MIGA1: variants seen among roughly 807,000 people sequenced by gnomAD.
MIGA1 encodes mitoguardin 1.
MIGA1 carries 58 observed loss-of-function variants against 82.0 expected under a neutral mutation model. The observed-to-expected ratio is 0.71, with a 90% CI of 0.57 to 0.88. The LOEUF (loss-of-function observed/expected upper bound fraction) is 0.88. MIGA1 is among the 40% of genes least tolerant of loss of function. The pLI, the probability that MIGA1 is intolerant of heterozygous loss-of-function variation, is 0.00. For missense variants in MIGA1, 751 were observed against 749.1 expected (o/e 1.00, Z -0.03); for synonymous variants, 249 against 253.6 (o/e 0.98, Z 0.17).
chr1:77,817,116 G>T (rs1683598498), intron 7 of MIGA1, among the ~76,000 whole-genome samples: 1 of 152,124 alleles, frequency 6.6e-6, no homozygotes, highest in Non-Finnish European at 1.5e-5. Context: ...ATTTGGTTCT[G>T]TTTGGCATGC....
intron 1 of MIGA1, 108 bp from the exon 2 acceptor site, chr1:77,783,130 T>C: frequency 3.0e-6 from 2 of 673,534 alleles, no homozygotes; most frequent in Non-Finnish European, 2.4e-6. Flanking sequence ...CATCAATAAT[T>C]GACTGCAAAA....
chr1:77,845,343 T>C (rs1021512757), intron 8 of MIGA1, among the ~76,000 whole-genome samples: 8 of 152,194 alleles, frequency 5.3e-5, no homozygotes, highest in Admixed American at 3.9e-4. Flanking sequence ...CTAGGTCGTT[T>C]GTAAGGAGAA....
intron 6 of MIGA1, 48 bp downstream of exon 6, chr1:77,813,915 AC>A (rs747339439): frequency 2.0e-5 from 32 of 1,597,814 alleles, no homozygotes; most frequent in Non-Finnish European, 2.6e-5. Flanking sequence ...GAAGAATCAA[AC>A]TTTTTTTTTG....
intron 1 of MIGA1, chr1:77,780,029 C>A: frequency 8.6e-7 from 1 of 1,169,174 alleles, no homozygotes; most frequent in Non-Finnish European, 1.1e-6. Flanking sequence ...GCAAAGGAAG[C>A]GCGGAATTGG....
At chr1:77,834,987 A>G (rs1684375068) in intron 7 of MIGA1, among the ~76,000 whole-genome samples, 1 of 152,228 alleles carries the variant, frequency 6.6e-6, no homozygotes, top group African/African-American at 2.4e-5. Context: ...CTGGATTTTA[A>G]AAGAAGAGTG....
intron 11 of MIGA1, 142 bp from the exon 12 acceptor site, chr1:77,861,076 AAACCAG>A: frequency 1.8e-6 from 1 of 564,430 alleles, no homozygotes; most frequent in Non-Finnish European, 3.1e-6. Flanking sequence ...GCAAAGTAGT[AAACCAG>A]ATAAATTTGG....
chr1:77,798,808 A>G (rs1682763665), intron 2 of MIGA1, among the ~76,000 whole-genome samples: 1 of 152,120 alleles, frequency 6.6e-6, no homozygotes, highest in African/African-American at 2.4e-5. Flanking sequence ...CAAAGACCCT[A>G]TTTTCAAATA....
chr1:77,787,029 C>G (rs1338140965), intron 2 of MIGA1, among the ~76,000 whole-genome samples: 1 of 152,214 alleles, frequency 6.6e-6, no homozygotes, highest in Non-Finnish European at 1.5e-5. Context: ...GGAGGCCTCA[C>G]AATCATGGCG....
In MIGA1 at chr1:77,801,509, G is replaced by A; in HGVS notation, c.373+1G>A. ...ACTAAAAGAGCAGCATCAGACAAAG[G>A]TATGTGGAAATAGTTGAAGTAAGTG... On this transcript the variant is annotated splice_donor_variant, in intron 3 of 15. Coordinates refer to ENST00000370791, the MANE Select transcript of MIGA1 (RefSeq NM_198549.4). LOFTEE classifies it high-confidence loss of function. The A allele has an allele frequency of 1.3e-6, 2 of 1,591,884 alleles. No homozygotes were observed. Among genetic ancestry groups the A allele is most frequent in the Non-Finnish European group, 1.7e-6 (2 of 1,175,466 alleles).
intron 4 of MIGA1, among the ~76,000 whole-genome samples, chr1:77,806,659 A>G (rs1683112296): frequency 6.6e-6 from 1 of 152,240 alleles, no homozygotes; most frequent in Non-Finnish European, 1.5e-5. Flanking sequence ...CTTAAATCAC[A>G]GTAGGTATAG....
At chr1:77,848,151 G>A (rs953753394) in intron 8 of MIGA1, 1 of 1,401,688 alleles carries the variant, frequency 7.1e-7, no homozygotes, top group African/African-American at 1.4e-5. Context: ...TTACCAGAAA[G>A]AAAGGGATTC....
intron 2 of MIGA1, among the ~76,000 whole-genome samples, chr1:77,793,228 T>C (rs1488356886): frequency 6.6e-6 from 1 of 152,030 alleles, no homozygotes; most frequent in Non-Finnish European, 1.5e-5. Flanking sequence ...TTTAGTCTCC[T>C]CATTAGCTGT....
intron 2 of MIGA1, among the ~76,000 whole-genome samples, chr1:77,794,080 C>T (rs954658645): frequency 8.5e-5 from 13 of 152,220 alleles, no homozygotes; most frequent in Admixed American, 5.2e-4. Flanking sequence ...TGAGCCACCG[C>T]GCCCGGCCTT....
At chr1:77,829,320 A>G (rs1235868048) in intron 7 of MIGA1, among the ~76,000 whole-genome samples, 1 of 152,148 alleles carries the variant, frequency 6.6e-6, no homozygotes, top group Non-Finnish European at 1.5e-5. Flanking sequence ...GCATGCGTGT[A>G]TATGCCTGTT....
intron 14 of MIGA1, among the ~76,000 whole-genome samples, chr1:77,871,242 A>G (rs998401267): frequency 2.0e-5 from 3 of 152,066 alleles, no homozygotes; most frequent in Non-Finnish European, 4.4e-5. Flanking sequence ...TGGCTCTTGC[A>G]TGTAATCCTA....
intron 8 of MIGA1, chr1:77,848,311 A>G: frequency 1.5e-6 from 2 of 1,303,824 alleles, no homozygotes; most frequent in South Asian, 2.5e-5. Context: ...GAGAACAAGA[A>G]AGAGAGACAA....
intron 14 of MIGA1, among the ~76,000 whole-genome samples, chr1:77,868,888 A>G (rs1010868342): frequency 7.9e-5 from 12 of 152,172 alleles, no homozygotes; most frequent in Admixed American, 3.9e-4. Flanking sequence ...AAGGAATGTT[A>G]TAGTAAATTA....
chr1:77,806,905 T>TA (rs1249595933), intron 4 of MIGA1, 70 bp from the exon 5 acceptor site: 30 of 1,157,608 alleles, frequency 2.6e-5, no homozygotes, highest in Non-Finnish European at 3.6e-5. Context: ...AAATAATTTG[T>TA]AAATATGAAA....
In MIGA1 at chr1:77,859,394, T is replaced by G. The variant is rs1685381912; in HGVS notation, c.1188+8T>G. The G allele has an allele frequency of 1.9e-6, 3 of 1,610,644 alleles. No individual in the cohort carries two copies. The highest frequency in any genetic ancestry group is 2.5e-6 in the Non-Finnish European group (3 of 1,176,956). ...ATTCGACAGGCTTTTCAGGTATTTT[T>G]TTAACATTAAGTGACTTCACCCAGC... is the stretch of plus-strand genomic sequence containing the variant. On this transcript the variant is annotated splice_region_variant and intron_variant, in intron 10 of 15. Transcript: ENST00000370791.
Sources: gnomAD v4.1 joint callset for allele counts (sites outside exome capture counted in the v4.1 genomes callset) on GRCh38, gnomAD v4.1.1 for gene constraint, MANE v1.5 for transcripts, NCBI Gene and HGNC (gene_info 2026-07-23, HGNC 2026-07-21) for gene names.